ABCC10: variants seen among roughly 807,000 people sequenced by gnomAD.
ABCC10 encodes the protein ATP binding cassette subfamily C member 10.
A neutral mutation model predicts 143.2 loss-of-function variants in ABCC10; 110 were observed. The ratio of observed to expected loss-of-function variants is 0.77; its 90% CI spans 0.66 to 0.90. ABCC10 has a LOEUF of 0.90. ABCC10 is among the 40% of genes least tolerant of loss of function. The pLI, the probability that ABCC10 is intolerant of heterozygous loss-of-function variation, is 0.00. For missense variants in ABCC10, 1,700 were observed against 1,900.5 expected, an observed-to-expected ratio of 0.89 and a Z score of 1.96; for synonymous variants, 805 against 846.7, an observed-to-expected ratio of 0.95 and a Z score of 0.85.
chr6:43,436,340 GAT>G (rs1781723498), intron 6 of ABCC10, 93 bp downstream of exon 6: 3 of 1,449,562 alleles, frequency 2.1e-6, no homozygotes, highest in Non-Finnish European at 2.8e-6. Flanking sequence ...AATCATAGCT[GAT>G]GGCTCTGCAG....
chr6:43,434,658 A>G lies in ABCC10; in HGVS notation c.1418A>G (p.Lys473Arg), dbSNP rs955269039. 1 of 1,613,928 alleles carries G rather than the reference A, an allele frequency of 6.2e-7. No homozygotes were observed. The highest frequency in any genetic ancestry group is 8.5e-7 in the Non-Finnish European group (1 of 1,179,988). Residue 473 changes from lysine to arginine, a missense_variant, in exon 4 of 22, where the codon AAG becomes AGG. Lys to Arg is a conservative substitution (Grantham distance 26). Coordinates refer to ENST00000372530, the MANE Select transcript of ABCC10 (RefSeq NM_001198934.2). Reference sequence around the variant, plus strand: ...CTGCTGAGTGGCATTCGGGTCATCAAGTTCTGCGGGTGGGAGCAGGCACTG... The same window carrying G: ...CTGCTGAGTGGCATTCGGGTCATCAGGTTCTGCGGGTGGGAGCAGGCACTG... ...TELLSGIRVI[K>R]FCGWEQALGA... is the part of the protein sequence containing the mutation.
At position 43,438,013 on chromosome 6, in the gene ABCC10, G is replaced by A. The variant is rs148025614; in HGVS notation, c.1955G>A (p.Arg652Lys). ...LLAAIAGELH[R>K]LRGHVAVRGL... Reference sequence around the variant, plus strand: ...GCTGCCATCGCTGGAGAGCTCCACAGGTAACCAACCTCCTATGCACCCCTG... The same window carrying A: ...GCTGCCATCGCTGGAGAGCTCCACAAGTAACCAACCTCCTATGCACCCCTG... Residue 652 changes from arginine (R) to lysine (K), a missense_variant and splice_region_variant, in exon 7 of 22, where the codon AGG (arginine) becomes AAG (lysine). Physicochemically the swap from Arg to Lys is conservative, Grantham distance 26. Transcript: ENST00000372530. 6.2e-7 allele frequency: 1 copy of A among 1,611,920 alleles called. No individual in the cohort carries two copies. Among genetic ancestry groups the A allele is most frequent in the Admixed American group, 1.7e-5 (1 of 59,748 alleles).
chr6:43,435,762 C>A lies in ABCC10; in HGVS notation c.1620C>A (p.Ala540=). 3 of 1,614,172 alleles carry A rather than the reference C, an allele frequency of 1.9e-6. No homozygotes were observed. Among genetic ancestry groups the A allele is most frequent in the Non-Finnish European group, 2.5e-6 (3 of 1,180,016 alleles). The change falls in exon 5 of 22, where the codon GCC becomes GCA. Residue 540 remains alanine (A), a synonymous_variant. Transcript: ENST00000372530. ...HQLTATKVFT[A]LALVRMLILP... ...CCCACCTCACTCAGGTGTTCACGGCCCTGGCACTGGTGCGAATGCTCATTC... is the reference window on the plus strand; with the variant it reads ...CCCACCTCACTCAGGTGTTCACGGCACTGGCACTGGTGCGAATGCTCATTC...
chr6:43,443,814 C>A lies in ABCC10; in HGVS notation c.2417-119C>A. The A allele has an allele frequency of 9.6e-7, 1 of 1,036,426 alleles. No homozygotes were observed. Among genetic ancestry groups the A allele is most frequent in the Non-Finnish European group, 1.5e-6 (1 of 664,718 alleles). The allele number at this position is 1,036,426 out of a possible 1,614,324, so 64.2% of individuals were successfully genotyped here. A position where few individuals can be genotyped will look rare whatever the true frequency, so the allele number is the denominator to read the frequency against. On this transcript the variant is annotated intron_variant, in intron 10 of 21. Coordinates refer to ENST00000372530, the MANE Select transcript of ABCC10 (RefSeq NM_001198934.2). The surrounding 1 kb of genome is among the most constrained non-coding windows in gnomAD (Gnocchi z 4.2). ...CTGCTCGAGGTCTAGGGGTATCCTG[C>A]TAGGGTGGGTTAGACGGGGAGGCCT...
rs780144580 is a variant in ABCC10 at position 43,433,106 on chromosome 6, C to A, written c.1126C>A (p.Pro376Thr). 6.2e-7 allele frequency: 1 copy of A among 1,614,028 alleles called. No homozygotes were observed. The highest frequency in any genetic ancestry group is 1.7e-5 in the Admixed American group (1 of 60,010). The change falls in exon 3 of 22, where the codon CCT becomes ACT. Residue 376 changes from proline (P) to threonine (T), a missense_variant. By Grantham distance (38) the Pro-to-Thr change is conservative. Coordinates refer to ENST00000372530, the MANE Select transcript of ABCC10 (RefSeq NM_001198934.2). The part of the protein sequence containing the change: ...KALQLGPSRP[P>T]TGEALNLLGT... Reference sequence around the variant, plus strand: ...TTTACAGCTGGGGCCCAGCCGCCCTCCTACTGGGGAGGCCCTGAACCTACT... The same window carrying A: ...TTTACAGCTGGGGCCCAGCCGCCCTACTACTGGGGAGGCCCTGAACCTACT...
At position 43,449,611 on chromosome 6, in the gene ABCC10, C is replaced by T; in HGVS notation, c.4316+77C>T. 1.6e-6 allele frequency: 2 copies of T among 1,261,734 alleles called. 1 individual carries two copies. Among genetic ancestry groups the T allele is most frequent in the South Asian group, 2.7e-5 (2 of 73,216 alleles). The allele number at this position is 1,261,734 out of a possible 1,614,324, so 78.2% of individuals were successfully genotyped here. ...GAGAGCCTCCGTTGCTTTCAGGGAC[C>T]CCAGTGGTCAGGGCCTTAGAGATCC... On this transcript the variant is annotated intron_variant, in intron 21 of 21. Coordinates refer to ENST00000372530, the MANE Select transcript of ABCC10 (RefSeq NM_001198934.2).
chr6:43,451,096 G>C (rs149484687), downstream of ABCC10: 205 of 1,614,244 alleles, frequency 1.3e-4, no homozygotes, highest in South Asian at 5.1e-4. This position sits in a 1 kb window ranked among gnomAD's most constrained non-coding sequence, Gnocchi z 4.4. Flanking sequence ...TCAGGACAGA[G>C]GCAGGAGAAG....
At chr6:43,435,988 C>A in intron 5 of ABCC10, 81 bp downstream of exon 5, 1 of 1,602,426 alleles carries the variant, frequency 6.2e-7, no homozygotes, top group Middle Eastern at 1.7e-4. Flanking sequence ...ATAGATGTCA[C>A]CAAGAGGGCT....
At chr6:43,436,732 G>A (rs1288330620) in intron 6 of ABCC10, among the ~76,000 whole-genome samples, 1 of 152,146 alleles carries the variant, frequency 6.6e-6, no homozygotes, top group African/African-American at 2.4e-5. Context: ...GCCAACTCCT[G>A]TTCACCTCCT....
downstream of ABCC10, chr6:43,451,853 C>G (rs1240823448): frequency 3.3e-6 from 5 of 1,537,994 alleles, no homozygotes; most frequent in Admixed American, 1.9e-5. This position sits in a 1 kb window ranked among gnomAD's most constrained non-coding sequence, Gnocchi z 4.4. Context: ...CTCAGTCCCC[C>G]ACCCTCCCAA....
At chr6:43,445,057 G>A in intron 13 of ABCC10, 68 bp from the exon 14 acceptor site, 1 of 1,592,892 alleles carries the variant, frequency 6.3e-7, no homozygotes, top group South Asian at 1.1e-5. Flanking sequence ...GAGATGGCAT[G>A]GGGGAGGAGA....
At chr6:43,447,488 C>A in intron 17 of ABCC10, 80 bp downstream of exon 17, 1 of 1,562,364 alleles carries the variant, frequency 6.4e-7, no homozygotes. Context: ...TTTCTTTTTG[C>A]CCACCCATCT....
At chr6:43,438,923 A>G in intron 8 of ABCC10, 128 bp downstream of exon 8, 1 of 1,163,476 alleles carries the variant, frequency 8.6e-7, no homozygotes, top group Non-Finnish European at 1.2e-6. Flanking sequence ...AGGAATGGCC[A>G]TCGGACTGTG....
downstream of ABCC10, chr6:43,451,358 G>A (rs554451162): frequency 4.7e-6 from 7 of 1,496,292 alleles, no homozygotes; most frequent in Admixed American, 4.2e-5. The surrounding 1 kb of genome is among the most constrained non-coding windows in gnomAD (Gnocchi z 4.4). Context: ...ACCACTGCCC[G>A]CCATGTCATC....
chr6:43,440,438 C>G (rs1236672871), intron 8 of ABCC10, among the ~76,000 whole-genome samples: 2 of 152,194 alleles, frequency 1.3e-5, no homozygotes, highest in Non-Finnish European at 2.9e-5. Flanking sequence ...GTGCCTACAA[C>G]AGTACCTAGG....
intron 11 of ABCC10, 55 bp from the exon 12 acceptor site, chr6:43,444,104 G>A (rs1036742530): frequency 6.2e-6 from 10 of 1,610,058 alleles, no homozygotes; most frequent in Non-Finnish European, 8.5e-6. Flanking sequence ...GAAATACTGA[G>A]TTTTCAGCTG....
At position 43,444,798 on chromosome 6, in the gene ABCC10, C is replaced by T. The variant is rs765434486; in HGVS notation, c.2700C>T (p.Asn900=). ...FSLLLMQATR[N]AADWWLSHWI... is the part of the protein sequence containing the mutation. ...CCTGTCCCCACCCAGCCACGCGGAACGCTGCTGACTGGTGGCTCTCCCACT... is the reference window on the plus strand; with the variant it reads ...CCTGTCCCCACCCAGCCACGCGGAATGCTGCTGACTGGTGGCTCTCCCACT... The change falls in exon 13 of 22, where the codon AAC becomes AAT. Residue 900 remains asparagine, a synonymous_variant. Transcript: ENST00000372530. 25 of 1,598,568 alleles carry T rather than the reference C, an allele frequency of 1.6e-5. No homozygotes were observed. The highest frequency in any genetic ancestry group is 7.9e-5 in the South Asian group (7 of 89,106).
chr6:43,444,802 G>C lies in ABCC10; in HGVS notation c.2704G>C (p.Ala902Pro). ...LLLMQATRNA[A>P]DWWLSHWISQ... The stretch of plus-strand genomic sequence containing the variant: ...TCCCCACCCAGCCACGCGGAACGCT[G>C]CTGACTGGTGGCTCTCCCACTGGAT... Residue 902 changes from alanine to proline, a missense_variant, in exon 13 of 22, where the codon GCT (alanine) becomes CCT (proline). Ala to Pro is a conservative substitution (Grantham distance 27, BLOSUM62 -1). Transcript: ENST00000372530. 1 of 1,606,062 alleles carries C rather than the reference G, an allele frequency of 6.2e-7. No homozygotes were observed. The highest frequency in any genetic ancestry group is 1.1e-5 in the South Asian group (1 of 90,160).
chr6:43,439,877 T>A (rs114519764), intron 8 of ABCC10, among the ~76,000 whole-genome samples: 1,505 of 146,568 alleles, frequency 0.01, 25 homozygotes, highest in African/African-American at 0.036. Context: ...CCACCGCGCC[T>A]GGCCTACTAC....
Sources: gnomAD v4.1 joint callset for allele counts (sites outside exome capture counted in the v4.1 genomes callset) on GRCh38, gnomAD v4.1.1 for gene constraint, Gnocchi (gnomAD v3.1) non-coding constraint, MANE v1.5 for transcripts, NCBI Gene and HGNC (gene_info 2026-07-23, HGNC 2026-07-21) for gene names.